Variants in DDI2 observed in about 807,000 individuals in gnomAD.
DDI2 encodes protein DDI1 homolog 2.
Under a neutral mutation model 48.1 loss-of-function variants are expected in DDI2, and 5 were observed. The observed-to-expected ratio is 0.10, with a 90% CI of 0.05 to 0.22. The LOEUF (loss-of-function observed/expected upper bound fraction) is 0.22, where lower values mean the gene tolerates loss of function less well. Ranked by LOEUF, DDI2 falls within the 10% of genes least tolerant of loss-of-function variation. The probability of loss-of-function intolerance (pLI) is 1.00; values close to 1 mark genes in which losing one functional copy is unlikely to be tolerated. For synonymous variants in DDI2, 205 were observed against 183.6 expected, an observed-to-expected ratio of 1.12 and a Z score of -0.94; for missense variants, 285 against 506.2, an observed-to-expected ratio of 0.56 and a Z score of 4.19.
intron 6 of DDI2, among the ~76,000 whole-genome samples, chr1:15,646,330 A>G (rs1640090074): frequency 6.6e-6 from 1 of 152,200 alleles, no homozygotes; most frequent in Admixed American, 6.5e-5. Context: ...CCTCACTGTC[A>G]TCTGCTTTTT....
intron 9 of DDI2, 27 bp from the exon 10 acceptor site, chr1:15,659,808 CTT>C: frequency 1.3e-6 from 2 of 1,485,002 alleles, no homozygotes; most frequent in Non-Finnish European, 1.8e-6. Flanking sequence ...GCTAATTAAT[CTT>C]TTTCCTTTCC....
chr1:15,630,668 A>G (rs1639828859), intron 3 of DDI2, 107 bp downstream of exon 3: 2 of 792,910 alleles, frequency 2.5e-6, no homozygotes, highest in Non-Finnish European at 4.2e-6. Context: ...GATTTATTGA[A>G]CATACCAGTT....
At chr1:15,622,198 C>CTTTTTTTTTT (rs923707351) in intron 1 of DDI2, among the ~76,000 whole-genome samples, 3 of 131,242 alleles carry the variant, frequency 2.3e-5, no homozygotes, top group African/African-American at 5.8e-5. Flanking sequence ...GTAGCTGCGA[C>CTTTTTTTTTT]TTTTTTTTTT....
intron 7 of DDI2, among the ~76,000 whole-genome samples, chr1:15,650,337 C>T (rs570219335): frequency 2.0e-5 from 3 of 152,184 alleles, no homozygotes; most frequent in East Asian, 1.9e-4. Flanking sequence ...GATATACTGC[C>T]GTCGTTGAAG....
intron 7 of DDI2, among the ~76,000 whole-genome samples, chr1:15,650,329 T>G (rs1241472257): frequency 6.6e-6 from 1 of 152,250 alleles, no homozygotes; most frequent in Non-Finnish European, 1.5e-5. Context: ...TAATTTGAGA[T>G]ATACTGCCGT....
chr1:15,631,381 G>A lies in DDI2; in HGVS notation c.505+820G>A, dbSNP rs551613828. Among the ~76,000 whole-genome samples the A allele has an allele frequency of 1.8e-3, 278 of 152,368 alleles. 1 individual carries two copies. The highest frequency in any genetic ancestry group is 2.7e-3 in the Non-Finnish European group (181 of 68,036). ...TCTGCCTGCCTTGGCCTCCCAAAGT[G>A]CTGGGATTACAGGCATGAGCAGTTG... On this transcript the variant is annotated intron_variant, in intron 3 of 9. Transcript: ENST00000480945.
intron 6 of DDI2, 53 bp downstream of exon 6, chr1:15,643,703 G>A: frequency 6.3e-7 from 1 of 1,581,048 alleles, no homozygotes; most frequent in Non-Finnish European, 8.6e-7. Context: ...TTTGTAGGTA[G>A]GGTAGTCGAT....
chr1:15,658,588 C>T (rs1299201267), intron 9 of DDI2, among the ~76,000 whole-genome samples: 1 of 151,302 alleles, frequency 6.6e-6, no homozygotes, highest in Non-Finnish European at 1.5e-5. Flanking sequence ...CGTGGAGAAA[C>T]CTCATCTCTA....
rs1463949560 is a variant in DDI2 at position 15,617,624 on chromosome 1, G to A, written c.-47G>A. ...GCCGCCGCCTCTTCCCCTGCGCCCC[G>A]CGCCCAGGCCGGGCCGAGCCGAGCC... On this transcript the variant is annotated 5_prime_UTR_variant, in exon 1 of 10. Transcript: ENST00000480945. The A allele has an allele frequency of 1.5e-6, 2 of 1,300,706 alleles. No homozygotes were observed. Among genetic ancestry groups the A allele is most frequent in the Non-Finnish European group, 2.0e-6 (2 of 1,018,052 alleles). 80.6% of individuals were successfully genotyped at this position (1,300,706 alleles called of 1,614,324 possible). A position where few individuals can be genotyped will look rare whatever the true frequency, so the allele number is the denominator to read the frequency against.
In DDI2 at chr1:15,627,469, G is replaced by A. The variant is rs547105084; in HGVS notation, c.268+671G>A. Among the ~76,000 whole-genome samples the A allele has an allele frequency of 9.2e-5, 14 of 152,256 alleles. No homozygotes were observed. The East Asian group carries it at 1.2e-3, about 13-fold the overall frequency. ...CTGTGTTAATCACATACAAAGAAAC[G>A]TTTATCTATCTTTGATGCTGCTTTT... On this transcript the variant is annotated intron_variant, in intron 2 of 9. Coordinates refer to ENST00000480945, the MANE Select transcript of DDI2 (RefSeq NM_032341.5).
At chr1:15,648,505 G>T (rs1327390038) in intron 6 of DDI2, among the ~76,000 whole-genome samples, 2 of 152,112 alleles carry the variant, frequency 1.3e-5, no homozygotes. Context: ...TTTAAATTTG[G>T]CGTGGGCCCT....
At chr1:15,640,322 T>G (rs183275751) in intron 5 of DDI2, among the ~76,000 whole-genome samples, 19 of 152,362 alleles carry the variant, frequency 1.2e-4, no homozygotes, top group Admixed American at 1.2e-3. Flanking sequence ...TCTATGTACT[T>G]TGTTCTATAA....
intron 8 of DDI2, among the ~76,000 whole-genome samples, chr1:15,652,680 G>A (rs573316047): frequency 2.7e-3 from 404 of 151,952 alleles, no homozygotes; most frequent in African/African-American, 9.0e-3. Flanking sequence ...AAAATTAGCC[G>A]GGCGTAGTGG....
intron 1 of DDI2, among the ~76,000 whole-genome samples, chr1:15,624,034 G>A (rs1359263973): frequency 1.3e-5 from 2 of 152,146 alleles, no homozygotes; most frequent in South Asian, 2.1e-4. Flanking sequence ...CAGCCTGGGC[G>A]AGAGCGAGAC....
rs923707633 is a variant in DDI2, at chr1:15,663,342, G to A, written c.*3552G>A. 6.6e-6 allele frequency: 1 copy of A among 152,192 alleles called. No homozygotes were observed. Among genetic ancestry groups the A allele is most frequent in the African/African-American group, 2.4e-5 (1 of 41,448 alleles). 9.4% of individuals were successfully genotyped at this position (152,192 alleles called of 1,614,324 possible). On this transcript the variant is annotated 3_prime_UTR_variant, in exon 10 of 10. Coordinates refer to ENST00000480945, the MANE Select transcript of DDI2 (RefSeq NM_032341.5). ...TGAAATTTTAATTTAGGGGCACTTA[G>A]AGACATTTTTTTCTACCCCATCCAA...
At chr1:15,625,578 G>A (rs1194196547) in intron 1 of DDI2, among the ~76,000 whole-genome samples, 3 of 151,690 alleles carry the variant, frequency 2.0e-5, no homozygotes, top group African/African-American at 4.8e-5. Context: ...TTTTCCACTT[G>A]TATTTAGTTG....
intron 6 of DDI2, 96 bp from the exon 7 acceptor site, chr1:15,649,624 T>G: frequency 8.1e-7 from 1 of 1,236,450 alleles, no homozygotes; most frequent in Non-Finnish European, 1.1e-6. Context: ...TCAGCCAGGA[T>G]TATGCCATTG....
At chr1:15,623,390 T>C (rs867442038) in intron 1 of DDI2, among the ~76,000 whole-genome samples, 73 of 144,196 alleles carry the variant, frequency 5.1e-4, no homozygotes, top group East Asian at 1.4e-3. Context: ...TCTTCTTCTT[T>C]TTTTTTTTTT....
chr1:15,666,810 AT>A lies in DDI2; in HGVS notation c.*7024del, dbSNP rs1640460564. On this transcript the variant is annotated 3_prime_UTR_variant, in exon 10 of 10. Coordinates refer to ENST00000480945, the MANE Select transcript of DDI2 (RefSeq NM_032341.5). ...TATTTTTGCCTGTTAGCATGCATTT[AT>A]TTTAAAAGTCATATTAGAGTTACCT... 6.6e-6 allele frequency: 1 copy of A among 152,210 alleles called. No individual in the cohort carries two copies. The highest frequency in any genetic ancestry group is 1.5e-5 in the Non-Finnish European group (1 of 68,048). 9.4% of individuals were successfully genotyped at this position (152,210 alleles called of 1,614,324 possible). A position where few individuals can be genotyped will look rare whatever the true frequency, so the allele number is the denominator to read the frequency against.
Sources: gnomAD v4.1 joint callset for allele counts (sites outside exome capture counted in the v4.1 genomes callset) on GRCh38, gnomAD v4.1.1 for gene constraint, MANE v1.5 for transcripts, NCBI Gene and HGNC (gene_info 2026-07-23, HGNC 2026-07-21) for gene names.